ZCWPW2: variants seen among roughly 807,000 people sequenced by gnomAD.
ZCWPW2 encodes the protein zinc finger CW-type and PWWP domain containing 2, also known as zinc finger CW-type PWWP domain protein 2.
ZCWPW2 carries 45 observed loss-of-function variants against 46.6 expected under a neutral mutation model. That is an observed-to-expected ratio of 0.96 (90% confidence interval 0.76 to 1.24). The LOEUF (loss-of-function observed/expected upper bound fraction) is 1.24. ZCWPW2 is among the 50% of genes most tolerant of loss of function. The pLI, the probability that ZCWPW2 is intolerant of heterozygous loss-of-function variation, is 0.00. For synonymous variants in ZCWPW2, 152 were observed against 137.1 expected (o/e 1.11, Z -0.76); for missense variants, 429 against 403.9 (o/e 1.06, Z -0.53).
chr3:28,504,617 C>G (rs896559314), intron 6 of ZCWPW2, among the ~76,000 whole-genome samples: 1 of 152,178 alleles, frequency 6.6e-6, no homozygotes, highest in Non-Finnish European at 1.5e-5. Context: ...AATTGAAACA[C>G]ATAGATTCTA....
chr3:28,372,025 C>A (rs1705351982), intron 1 of ZCWPW2, among the ~76,000 whole-genome samples: 1 of 151,154 alleles, frequency 6.6e-6, no homozygotes, highest in Admixed American at 6.6e-5. Context: ...TCCTCCTGCC[C>A]CTCCTCCTCC....
At chr3:28,448,868 A>G (rs1698112731) in intron 4 of ZCWPW2, among the ~76,000 whole-genome samples, 2 of 141,706 alleles carry the variant, frequency 1.4e-5, no homozygotes, top group South Asian at 2.1e-4. Context: ...TACAGAGTCA[A>G]TGCAATCCCT....
intron 4 of ZCWPW2, among the ~76,000 whole-genome samples, chr3:28,439,564 C>T (rs895223468): frequency 6.6e-6 from 1 of 152,078 alleles, no homozygotes; most frequent in Non-Finnish European, 1.5e-5. Context: ...ACAAGCCCAC[C>T]CCTTGGCAAC....
intron 5 of ZCWPW2, among the ~76,000 whole-genome samples, chr3:28,480,445 TAGATGGTGGATATTAGACCTTTGTC>T (rs536689535): frequency 1.3e-5 from 2 of 152,006 alleles, no homozygotes; most frequent in Admixed American, 6.5e-5. Flanking sequence ...AAGTTCCCTA[TAGATGGTGGATATTAGACCTTTGTC>T]AGATGGTGGA....
At chr3:28,471,000 A>G (rs1699022095) in intron 4 of ZCWPW2, among the ~76,000 whole-genome samples, 1 of 152,148 alleles carries the variant, frequency 6.6e-6, no homozygotes, top group South Asian at 2.1e-4. Flanking sequence ...AAATTGGAAA[A>G]TCTAGAAGAA....
intron 2 of ZCWPW2, among the ~76,000 whole-genome samples, chr3:28,409,547 T>G (rs1313058166): frequency 1.3e-5 from 2 of 152,110 alleles, no homozygotes; most frequent in Non-Finnish European, 2.9e-5. Context: ...TTATGACAAA[T>G]TTTGAGGTAT....
At chr3:28,420,533 T>G (rs1395305280) in intron 3 of ZCWPW2, among the ~76,000 whole-genome samples, 1 of 151,958 alleles carries the variant, frequency 6.6e-6, no homozygotes, top group Non-Finnish European at 1.5e-5. Context: ...TCAAATATTT[T>G]TCTCTAATCA....
chr3:28,490,344 A>T (rs141867892), intron 5 of ZCWPW2, among the ~76,000 whole-genome samples: 1 of 152,156 alleles, frequency 6.6e-6, no homozygotes, highest in Non-Finnish European at 1.5e-5. Flanking sequence ...AATATAAATC[A>T]TTCTACCATG....
chr3:28,507,509 T>C (rs1368827482), intron 6 of ZCWPW2, among the ~76,000 whole-genome samples: 1 of 151,604 alleles, frequency 6.6e-6, no homozygotes, highest in Non-Finnish European at 1.5e-5. Flanking sequence ...TTTTTTGAGA[T>C]GGTGTCTCCC....
intron 3 of ZCWPW2, among the ~76,000 whole-genome samples, chr3:28,420,941 G>A (rs1396671092): frequency 6.6e-6 from 1 of 151,962 alleles, no homozygotes; most frequent in Non-Finnish European, 1.5e-5. Flanking sequence ...TATCCATTCA[G>A]CTTTTAAAAA....
intron 1 of ZCWPW2, among the ~76,000 whole-genome samples, chr3:28,371,114 T>C (rs936533094): frequency 6.6e-6 from 1 of 152,212 alleles, no homozygotes; most frequent in African/African-American, 2.4e-5. Flanking sequence ...TATTAGACTT[T>C]AAATTTATCG....
chr3:28,449,372 C>T (rs1340233277), intron 4 of ZCWPW2, among the ~76,000 whole-genome samples: 1 of 152,158 alleles, frequency 6.6e-6, no homozygotes, highest in Non-Finnish European at 1.5e-5. Flanking sequence ...TCTGACATGA[C>T]ACATCATGAA....
chr3:28,488,062 A>T (rs1699666408), intron 5 of ZCWPW2, among the ~76,000 whole-genome samples: 1 of 152,102 alleles, frequency 6.6e-6, no homozygotes, highest in Non-Finnish European at 1.5e-5. Context: ...AAGCCAGGAG[A>T]TATTTCCCTA....
At chr3:28,469,021 A>G (rs891070620) in intron 4 of ZCWPW2, among the ~76,000 whole-genome samples, 1 of 152,188 alleles carries the variant, frequency 6.6e-6, no homozygotes, top group Non-Finnish European at 1.5e-5. Context: ...TTTTCAAGAC[A>G]TAGAGAGTAA....
chr3:28,477,889 G>A (rs1473998991), intron 4 of ZCWPW2, among the ~76,000 whole-genome samples: 2 of 151,962 alleles, frequency 1.3e-5, no homozygotes, highest in Non-Finnish European at 2.9e-5. Context: ...AATCCTTTTT[G>A]CTGAGTTTTA....
chr3:28,448,590 G>A (rs1018553180), intron 4 of ZCWPW2, among the ~76,000 whole-genome samples: 5 of 151,348 alleles, frequency 3.3e-5, no homozygotes, highest in African/African-American at 7.3e-5. Context: ...TTCGAGACCC[G>A]CCTGGCCACC....
chr3:28,392,377 C>G (rs932378932), intron 2 of ZCWPW2, among the ~76,000 whole-genome samples: 2 of 152,132 alleles, frequency 1.3e-5, no homozygotes, highest in African/African-American at 2.4e-5. Context: ...TAGGGAATTT[C>G]AGTACCCCAC....
At chr3:28,431,000 T>A (rs1697231845) in intron 3 of ZCWPW2, among the ~76,000 whole-genome samples, 1 of 152,042 alleles carries the variant, frequency 6.6e-6, no homozygotes, top group African/African-American at 2.4e-5. Context: ...AGTAATAACT[T>A]TTTTATTTGG....
chr3:28,515,929 C>T (rs780283196), intron 8 of ZCWPW2, among the ~76,000 whole-genome samples: 11 of 151,938 alleles, frequency 7.2e-5, no homozygotes, highest in Non-Finnish European at 1.2e-4. Flanking sequence ...CTGTCTCAGT[C>T]ATGTATTTAA....
Sources: allele counts gnomAD v4.1 joint callset (sites outside exome capture counted in the v4.1 genomes callset), GRCh38; gene constraint gnomAD v4.1.1; transcripts MANE v1.5; gene names NCBI Gene and HGNC (gene_info 2026-07-23, HGNC 2026-07-21).